KANK1: variants seen among roughly 807,000 people sequenced by gnomAD.
KANK1 encodes the protein KN motif and ankyrin repeat domain-containing protein 1.
Under a neutral mutation model 106.2 loss-of-function variants are expected in KANK1, and 109 were observed. The observed-to-expected ratio is 1.03, with a 90% confidence interval of 0.88 to 1.20. KANK1 has a LOEUF of 1.20. KANK1 is among the 50% of genes most tolerant of loss of function. KANK1 has a pLI of 0.00. For missense variants in KANK1, 2,399 were observed against 1,710.7 expected (o/e 1.40, Z -7.10); for synonymous variants, 873 against 652.2 (o/e 1.34, Z -5.16).
chr9:646,459 C>T (rs1278929850), intron 1 of KANK1, among the ~76,000 whole-genome samples: 1 of 151,002 alleles, frequency 6.6e-6, no homozygotes, highest in East Asian at 1.9e-4. Context: ...CATGAGTTCT[C>T]TCTCTAATTA....
chr9:567,102 C>G (rs1817995865), intron 1 of KANK1, among the ~76,000 whole-genome samples: 1 of 152,154 alleles, frequency 6.6e-6, no homozygotes, highest in Admixed American at 6.5e-5. Context: ...AACAGGGAGT[C>G]CTTTCCCCAT....
chr9:701,439 C>T (rs1375303073), intron 2 of KANK1, among the ~76,000 whole-genome samples: 5 of 152,082 alleles, frequency 3.3e-5, no homozygotes, highest in Admixed American at 2.0e-4. Flanking sequence ...ATTTCAGTTG[C>T]TATCTGTGAA....
rs555580528 is a variant in KANK1, at chr9:598,175, T to C, written c.-83-78715T>C. ...ACCCTTGTTAAAAATCTATTGGCCA[T>C]ATATGTGAGATTTTATTTCTGGACT... On this transcript the variant is annotated intron_variant, in intron 1 of 11. Transcript: ENST00000382297. Among the ~76,000 whole-genome samples, 3 of 151,884 alleles carry C rather than the reference T, an allele frequency of 2.0e-5. No homozygotes were observed. In the South Asian group the frequency reaches 6.2e-4, roughly 31 times the overall value.
chr9:549,032 G>T (rs1442399175), intron 1 of KANK1: 2 of 151,860 alleles, frequency 1.3e-5, no homozygotes, highest in South Asian at 2.1e-4. Context: ...GTCATGTAAG[G>T]TTACCTTTTT....
chr9:575,868 C>T (rs964277838), intron 1 of KANK1, among the ~76,000 whole-genome samples: 2 of 152,076 alleles, frequency 1.3e-5, no homozygotes, highest in East Asian at 3.9e-4. Flanking sequence ...ATTAAAAATA[C>T]AAAAATTAGT....
intron 1 of KANK1, among the ~76,000 whole-genome samples, chr9:645,440 A>T (rs1195284585): frequency 1.3e-4 from 10 of 74,478 alleles, no homozygotes; most frequent in African/African-American, 2.6e-4. Flanking sequence ...ACTGTGTCTT[A>T]AAAAAAAAAA....
chr9:593,172 A>C (rs1049183622), intron 1 of KANK1, among the ~76,000 whole-genome samples: 1 of 151,818 alleles, frequency 6.6e-6, no homozygotes, highest in African/African-American at 2.4e-5. Flanking sequence ...TTATCTCTAG[A>C]TGTGGAATAA....
chr9:731,116 T>C (rs770983322), intron 4 of KANK1, 42 bp from the exon 5 acceptor site: 13 of 1,046,280 alleles, frequency 1.2e-5, no homozygotes, highest in South Asian at 1.1e-4. Flanking sequence ...TTAACATGTA[T>C]GGGTGTGAGT....
At chr9:500,560 AAAC>A (rs916150279), upstream of KANK1, among the ~76,000 whole-genome samples, 13 of 152,378 alleles carry the variant, frequency 8.5e-5, no homozygotes, top group South Asian at 1.7e-3. Context: ...CAACTACAGA[AAAC>A]AACAAGTGAA....
chr9:738,158 T>G (rs1270480686), intron 7 of KANK1, 127 bp from the exon 8 acceptor site: 12 of 745,954 alleles, frequency 1.6e-5, no homozygotes, highest in Non-Finnish European at 2.4e-5. Flanking sequence ...GGGCTGTTGG[T>G]TTTTGAGAGC....
At position 681,879 on chromosome 9, in the gene KANK1, T is replaced by C. The variant is rs144922957; in HGVS notation, c.37+4870T>C. ...TTTTGCTACTAGTTGCCTTCCCCAA[T>C]TGATTATAGCTTTTCCCTCATGCTC... is the stretch of plus-strand genomic sequence containing the variant. On this transcript the variant is annotated intron_variant, in intron 2 of 11. Transcript: ENST00000382297. Among the ~76,000 whole-genome samples the C allele has an allele frequency of 7.6e-4, 116 of 152,340 alleles. 2 individuals are homozygous for C. The highest frequency in any genetic ancestry group is 2.5e-3 in the African/African-American group (106 of 41,578).
intron 1 of KANK1, among the ~76,000 whole-genome samples, chr9:534,067 G>C (rs567208459): frequency 3.9e-5 from 6 of 152,182 alleles, no homozygotes; most frequent in Admixed American, 1.3e-4. Context: ...GGAGAAAGGG[G>C]GGGGCAGAAC....
chr9:504,446 G>C (rs760398059), upstream of KANK1, among the ~76,000 whole-genome samples: 16 of 151,642 alleles, frequency 1.1e-4, no homozygotes, highest in African/African-American at 3.6e-4. Context: ...CCGGCTCCGC[G>C]GTACAAAGAG....
chr9:645,748 G>A lies in KANK1; in HGVS notation c.-83-31142G>A, dbSNP rs546369004. On this transcript the variant is annotated intron_variant, in intron 1 of 11. Transcript: ENST00000382297. ...AATACGGAAATTAGCCGGGTGTGGT[G>A]GTGGCATGCACCTGTAATCCTGACC... Among the ~76,000 whole-genome samples, 194 of 150,706 alleles carry A rather than the reference G, an allele frequency of 1.3e-3. 15 individuals are homozygous for A. Among genetic ancestry groups the A allele is most frequent in the African/African-American group, 4.6e-3 (185 of 40,120 alleles).
At chr9:606,981 ATT>A (rs3028173) in intron 1 of KANK1, among the ~76,000 whole-genome samples, 39,330 of 151,360 alleles carry the variant, frequency 0.26, 5,515 homozygotes, top group Admixed American at 0.34. Flanking sequence ...TCACATTTTT[ATT>A]TTTTTAAGTA....
intron 3 of KANK1, among the ~76,000 whole-genome samples, chr9:713,909 A>G (rs1268723142): frequency 6.6e-6 from 1 of 152,220 alleles, no homozygotes; most frequent in Non-Finnish European, 1.5e-5. Context: ...ATGAGAGGAG[A>G]GACTCCATTA....
chr9:654,814 TGAGAGA>T (rs57089042), intron 1 of KANK1, among the ~76,000 whole-genome samples: 7,640 of 80,380 alleles, frequency 0.095, 468 homozygotes, highest in East Asian at 0.28. Context: ...TGTGTGTGTG[TGAGAGA>T]GAGAGAGAGA....
chr9:530,863 C>G (rs1359703956), intron 1 of KANK1, among the ~76,000 whole-genome samples: 4 of 152,096 alleles, frequency 2.6e-5, no homozygotes, highest in African/African-American at 9.7e-5. Context: ...TGGGGCATGC[C>G]TGTAGTTCCA....
At chr9:736,141 G>A (rs1037360140) in intron 7 of KANK1, among the ~76,000 whole-genome samples, 2 of 152,212 alleles carry the variant, frequency 1.3e-5, no homozygotes, top group African/African-American at 2.4e-5. Context: ...TGTATTTTTA[G>A]TAGAGACCGG....
Sources: gnomAD v4.1 joint callset for allele counts (sites outside exome capture counted in the v4.1 genomes callset) on GRCh38, gnomAD v4.1.1 for gene constraint, MANE v1.5 for transcripts, NCBI Gene and HGNC (gene_info 2026-07-23, HGNC 2026-07-21) for gene names.